The following GABRG3 variants were observed in gnomAD, a reference collection of about 807,000 sequenced individuals.
GABRG3 encodes gamma-aminobutyric acid type A receptor subunit gamma3.
GABRG3 carries 25 observed loss-of-function variants against 48.8 expected under a neutral mutation model. That is an observed-to-expected ratio of 0.51 (90% CI 0.37 to 0.72). The LOEUF (loss-of-function observed/expected upper bound fraction) is 0.72. Ranked by LOEUF, GABRG3 falls within the 30% of genes least tolerant of loss-of-function variation. GABRG3 has a pLI of 0.00. For synonymous variants in GABRG3, 227 were observed against 217.6 expected (o/e 1.04, Z -0.38); for missense variants, 394 against 577.9 (o/e 0.68, Z 3.26).
chr15:27,441,928 G>A (rs1888798556), intron 5 of GABRG3, among the ~76,000 whole-genome samples: 4 of 152,230 alleles, frequency 2.6e-5, no homozygotes, highest in African/African-American at 9.6e-5. Flanking sequence ...GAATGTTGGA[G>A]AGCATAATGT....
intron 2 of GABRG3, among the ~76,000 whole-genome samples, chr15:26,999,969 A>G (rs923970594): frequency 3.3e-5 from 5 of 152,092 alleles, no homozygotes; most frequent in Non-Finnish European, 5.9e-5. Flanking sequence ...GGTCTTGTTT[A>G]TATCTTTTCA....
intron 3 of GABRG3, among the ~76,000 whole-genome samples, chr15:27,186,841 T>G (rs981829475): frequency 2.6e-5 from 4 of 152,166 alleles, no homozygotes; most frequent in African/African-American, 9.6e-5. Flanking sequence ...GGGTTATTTG[T>G]TTTTTGCTTG....
chr15:27,478,124 G>A (rs1240501037), intron 5 of GABRG3, among the ~76,000 whole-genome samples: 2 of 151,444 alleles, frequency 1.3e-5, no homozygotes, highest in African/African-American at 2.4e-5. Flanking sequence ...ACTTTATGCC[G>A]CCAAATTGTG....
At chr15:26,994,079 T>C (rs1312712296) in intron 2 of GABRG3, among the ~76,000 whole-genome samples, 1 of 152,024 alleles carries the variant, frequency 6.6e-6, no homozygotes, top group African/African-American at 2.4e-5. Context: ...TTATTTTCAG[T>C]CTATATGCAT....
At chr15:27,249,082 G>A (rs931142403) in intron 3 of GABRG3, among the ~76,000 whole-genome samples, 9 of 152,160 alleles carry the variant, frequency 5.9e-5, no homozygotes, top group Non-Finnish European at 1.2e-4. Context: ...TGCATACAAA[G>A]GAATATTCAA....
chr15:27,062,458 A>AAAAAAAAAAAAAAAAAG (rs1896665863), intron 3 of GABRG3, among the ~76,000 whole-genome samples: 1 of 144,362 alleles, frequency 6.9e-6, no homozygotes, highest in Admixed American at 7.1e-5. Flanking sequence ...AAAAAAAAAA[A>AAAAAAAAAAAAAAAAAG]TTAGCCTTGC....
At chr15:27,308,798 G>A (rs34945583) in intron 3 of GABRG3, among the ~76,000 whole-genome samples, 3,916 of 149,286 alleles carry the variant, frequency 0.026, 135 homozygotes, top group East Asian at 0.088. Context: ...GTAAACATAC[G>A]TTTATATAAA....
At chr15:27,073,189 G>A (rs1346330450) in intron 3 of GABRG3, among the ~76,000 whole-genome samples, 10 of 152,180 alleles carry the variant, frequency 6.6e-5, no homozygotes, top group Non-Finnish European at 5.9e-5. Flanking sequence ...CCTGGAAAGG[G>A]AATAGAGGAG....
chr15:27,028,737 C>T (rs958859752), intron 3 of GABRG3, among the ~76,000 whole-genome samples: 7 of 141,224 alleles, frequency 5.0e-5, no homozygotes, highest in Non-Finnish European at 6.0e-5. Flanking sequence ...ATCCAGGAGG[C>T]GGAGGTTGCA....
At chr15:27,371,169 G>A (rs76774893) in intron 5 of GABRG3, among the ~76,000 whole-genome samples, 1 of 152,068 alleles carries the variant, frequency 6.6e-6, no homozygotes, top group African/African-American at 2.4e-5. Flanking sequence ...AAAAAAAAAG[G>A]TATGCTGTTT....
chr15:27,132,054 T>C (rs115727635), intron 3 of GABRG3, among the ~76,000 whole-genome samples: 4,150 of 152,232 alleles, frequency 0.027, 194 homozygotes, highest in African/African-American at 0.095. Context: ...ATGTATAATT[T>C]GCAAATATTT....
chr15:27,059,214 C>T (rs1896604686), intron 3 of GABRG3, among the ~76,000 whole-genome samples: 1 of 152,220 alleles, frequency 6.6e-6, no homozygotes, highest in Non-Finnish European at 1.5e-5. Flanking sequence ...TTCTAGCCAG[C>T]AGGAAGGCCT....
chr15:27,482,907 A>C (rs1168355310), intron 6 of GABRG3: 1 of 151,970 alleles, frequency 6.6e-6, no homozygotes, highest in Admixed American at 6.6e-5. Flanking sequence ...CACTGTGGCC[A>C]CTCTGGCCCC....
At chr15:27,194,708 A>G (rs529926124) in intron 3 of GABRG3, among the ~76,000 whole-genome samples, 1 of 152,116 alleles carries the variant, frequency 6.6e-6, no homozygotes, top group South Asian at 2.1e-4. Context: ...ATTTTTCATG[A>G]TGATATTTCT....
chr15:26,988,397 T>C (rs1277845215), intron 2 of GABRG3, among the ~76,000 whole-genome samples: 1 of 152,222 alleles, frequency 6.6e-6, no homozygotes, highest in Non-Finnish European at 1.5e-5. Context: ...AACGTCTTTA[T>C]ACCTAGCAAC....
rs144921511 is a variant in GABRG3, at chr15:27,433,324, C to T, written c.575-47326C>T. 3.2e-3 allele frequency among the ~76,000 whole-genome samples: 480 copies of T among 152,290 alleles called. 2 individuals carry two copies. The highest frequency in any genetic ancestry group is 4.5e-3 in the Non-Finnish European group (309 of 68,026). On this transcript the variant is annotated intron_variant, in intron 5 of 9. Transcript: ENST00000615808. ...ATTTTCAGTTTGGGTGGCCAGGAGTCGAAAATGGCTCTTACCAGGCTAAAA... is the reference window on the plus strand; with the variant it reads ...ATTTTCAGTTTGGGTGGCCAGGAGTTGAAAATGGCTCTTACCAGGCTAAAA...
chr15:27,151,695 AGTGATTCT>A (rs1898318539), intron 3 of GABRG3, among the ~76,000 whole-genome samples: 1 of 152,168 alleles, frequency 6.6e-6, no homozygotes, highest in African/African-American at 2.4e-5. Context: ...CAGAGGCCAG[AGTGATTCT>A]GTGTTAGATT....
At chr15:27,458,141 C>T (rs536805128) in intron 5 of GABRG3, among the ~76,000 whole-genome samples, 107 of 152,290 alleles carry the variant, frequency 7.0e-4, no homozygotes, top group African/African-American at 2.4e-3. Flanking sequence ...ACACACAGTG[C>T]ACACACATCC....
intron 3 of GABRG3, among the ~76,000 whole-genome samples, chr15:27,296,821 T>C (rs1892001829): frequency 6.6e-6 from 1 of 151,046 alleles, no homozygotes; most frequent in Non-Finnish European, 1.5e-5. Flanking sequence ...ATACTTTTTA[T>C]CTTTTTTGTA....
Sources: allele counts gnomAD v4.1 joint callset (sites outside exome capture counted in the v4.1 genomes callset), GRCh38; gene constraint gnomAD v4.1.1; transcripts MANE v1.5; gene names NCBI Gene and HGNC (gene_info 2026-07-23, HGNC 2026-07-21).